Variants in EIF3A observed in about 807,000 individuals in gnomAD.
EIF3A encodes eukaryotic translation initiation factor 3 subunit A.
EIF3A carries 21 observed loss-of-function variants against 186.6 expected under a neutral mutation model. The observed-to-expected ratio is 0.11, with a 90% CI of 0.08 to 0.16. EIF3A has a LOEUF of 0.16. EIF3A is among the 10% of genes least tolerant of loss of function. The probability of loss-of-function intolerance (pLI) is 1.00; values close to 1 mark genes in which losing one functional copy is unlikely to be tolerated. For missense variants in EIF3A, 1,306 were observed against 1,796.3 expected (o/e 0.73, Z 4.93); for synonymous variants, 563 against 584.3 (o/e 0.96, Z 0.52).
rs1232247008 is a variant in EIF3A at position 119,074,932 on chromosome 10, AAAAAAAAAAG to A, written c.50-1005_50-996del. On this transcript the variant is annotated intron_variant, in intron 1 of 21. Coordinates refer to ENST00000369144, the MANE Select transcript of EIF3A (RefSeq NM_003750.4). The stretch of plus-strand genomic sequence containing the variant: ...AAACTCCAACTCAAAAAAAAAAAAA[AAAAAAAAAAG>A]GGAAAAAAATGGAATACAAAGCAAA... 6.8e-5 allele frequency among the ~76,000 whole-genome samples: 10 copies of A among 146,750 alleles called. 1 individual carries two copies. Among genetic ancestry groups the A allele is most frequent in the East Asian group, 5.9e-4 (3 of 5,112 alleles).
chr10:119,060,666 G>C, intron 9 of EIF3A, 80 bp downstream of exon 9: 2 of 1,020,626 alleles, frequency 2.0e-6, no homozygotes, highest in Non-Finnish European at 2.8e-6. Flanking sequence ...CACTTCCTAG[G>C]CAGTTCTAGA....
rs774535674 is a variant in EIF3A at position 119,072,912 on chromosome 10, C to T, written c.519G>A (p.Leu173=). 6 of 1,613,480 alleles carry T rather than the reference C, an allele frequency of 3.7e-6. No homozygotes were observed. Among genetic ancestry groups the T allele is most frequent in the Non-Finnish European group, 5.1e-6 (6 of 1,179,836 alleles). ...LLRNNSRVER[L]YHDIAQQAFK... Reference sequence around the variant, plus strand: ...TACCTTGCTGGGCAATATCATGGTACAGGCGCTCTACTCTAGAATTGTTTC... The same window carrying T: ...TACCTTGCTGGGCAATATCATGGTATAGGCGCTCTACTCTAGAATTGTTTC... The change falls in exon 4 of 22, where the codon CTG becomes CTA. Residue 173 remains leucine (L), a synonymous_variant. Coordinates refer to ENST00000369144, the MANE Select transcript of EIF3A (RefSeq NM_003750.4).
Position 119,056,723 on chromosome 10 carries a change from T to G in EIF3A, c.2196+17A>C. On this transcript the variant is annotated intron_variant, in intron 14 of 21. Transcript: ENST00000369144. ...TTATTACAATCTAAAAATATTACAA[T>G]TAAATAAAAAACTTACTCTTTCTTC... The G allele has an allele frequency of 6.8e-7, 1 of 1,469,472 alleles. No homozygotes were observed. 91.0% of individuals were successfully genotyped at this position (1,469,472 alleles called of 1,614,324 possible). A position where few individuals can be genotyped will look rare whatever the true frequency, so the allele number is the denominator to read the frequency against.
chr10:119,042,162 A>C lies in EIF3A; in HGVS notation c.3358T>G (p.Trp1120Gly). The change falls in exon 19 of 22, where the codon TGG becomes GGG. Residue 1120 changes from tryptophan (W) to glycine (G), a missense_variant. Physicochemically the swap from Trp to Gly is radical, Grantham distance 184. This residue lies in a region of EIF3A where 331 missense variants were observed against 365.8 expected (regional missense o/e 0.90). Transcript: ENST00000369144. The surrounding 1 kb of genome is among the most constrained non-coding windows in gnomAD (Gnocchi z 7.8). The stretch of plus-strand genomic sequence containing the variant: ...ATTCTGTCATCATCGGCGTTCCTCC[A>C]AGGTCCTCGATCATCATCCAACCCT... ...RRGLDDDRGP[W>G]RNADDDRIPR... The C allele has an allele frequency of 1.2e-6, 2 of 1,613,590 alleles. No homozygotes were observed. Among genetic ancestry groups the C allele is most frequent in the South Asian group, 2.2e-5 (2 of 91,050 alleles).
Position 119,080,687 on chromosome 10 carries a change from G to A in EIF3A, c.-11C>T. ...AAAATAGGCCGGCATCTTGGCGGCA[G>A]GCTCAGCTCACCCGGCGTCAGCGAA... On this transcript the variant is annotated 5_prime_UTR_variant, in exon 1 of 22. Transcript: ENST00000369144. The A allele has an allele frequency of 2.5e-6, 4 of 1,591,594 alleles. No homozygotes were observed. The highest frequency in any genetic ancestry group is 3.4e-6 in the Non-Finnish European group (4 of 1,170,378).
Position 119,080,609 on chromosome 10 carries a change from G to GC in EIF3A, c.49+18dup. ...GCCTCGGGCCGCCCCAGCCCGGCGC[G>GC]CCCCGATCAGCTACTCACCGTTGGC... On this transcript the variant is annotated intron_variant, in intron 1 of 21. Coordinates refer to ENST00000369144, the MANE Select transcript of EIF3A (RefSeq NM_003750.4). The GC allele has an allele frequency of 6.4e-7, 1 of 1,574,140 alleles. No individual in the cohort carries two copies. Among genetic ancestry groups the GC allele is most frequent in the Non-Finnish European group, 8.6e-7 (1 of 1,162,852 alleles).
At chr10:119,059,101 T>C in intron 11 of EIF3A, 111 bp downstream of exon 11, 2 of 819,886 alleles carry the variant, frequency 2.4e-6, no homozygotes, top group Non-Finnish European at 4.0e-6. Flanking sequence ...AGGAAACATA[T>C]CATAAATCCC....
intron 7 of EIF3A, among the ~76,000 whole-genome samples, chr10:119,061,956 T>A (rs1045220048): frequency 1.3e-5 from 2 of 152,136 alleles, no homozygotes; most frequent in Non-Finnish European, 2.9e-5. Flanking sequence ...AGCACAGAAG[T>A]GTGTACCCAT....
rs2119820410 is a variant in EIF3A at position 119,073,867 on chromosome 10, A to G, written c.120T>C (p.His40=). Residue 40 remains histidine, a synonymous_variant, in exon 2 of 22, where the codon CAT becomes CAC. Transcript: ENST00000369144. ...GTTCGTGTATCTTTTGCCATGTTCT[A>G]TGTTTTTTACTTTTCATAACATCAT... is the stretch of plus-strand genomic sequence containing the variant. ...VLYDVMKSKK[H]RTWQKIHEPI... The G allele has an allele frequency of 1.9e-6, 3 of 1,613,030 alleles. No homozygotes were observed. Among genetic ancestry groups the G allele is most frequent in the East Asian group, 2.2e-5 (1 of 44,868 alleles).
At chr10:119,052,579 T>C (rs1848374352) in intron 14 of EIF3A, among the ~76,000 whole-genome samples, 1 of 152,088 alleles carries the variant, frequency 6.6e-6, no homozygotes, top group Non-Finnish European at 1.5e-5. Context: ...TTTCACCATG[T>C]TGCCCAGGCT....
intron 1 of EIF3A, 22 bp from the exon 2 acceptor site, chr10:119,073,959 A>T: frequency 6.4e-7 from 1 of 1,574,184 alleles, no homozygotes; most frequent in Non-Finnish European, 8.6e-7. Flanking sequence ...AGAAGAATTA[A>T]AATTAGTTAT....
Position 119,073,302 on chromosome 10 carries a change from C to A in EIF3A, c.377+139G>T, listed in dbSNP as rs1298331168. On this transcript the variant is annotated intron_variant, in intron 3 of 21. Transcript: ENST00000369144. ...AATTTTTATTACCTACATAAATTAA[C>A]TGGTTACTATGCATTTAAAACTTCA... 4.2e-6 allele frequency: 3 copies of A among 719,772 alleles called. No homozygotes were observed. The East Asian group carries it at 7.9e-5, about 19-fold the overall frequency. 44.6% of individuals were successfully genotyped at this position (719,772 alleles called of 1,614,324 possible).
chr10:119,062,241 C>T (rs866101759), intron 7 of EIF3A, among the ~76,000 whole-genome samples: 2 of 152,184 alleles, frequency 1.3e-5, no homozygotes, highest in Middle Eastern at 6.8e-3. Flanking sequence ...TCATTCCTAT[C>T]AAGTTATTTT....
chr10:119,079,537 A>C (rs1844229273), intron 1 of EIF3A, among the ~76,000 whole-genome samples: 1 of 152,184 alleles, frequency 6.6e-6, no homozygotes. Flanking sequence ...AAGGATGAAA[A>C]TAAGAGCTAT....
intron 6 of EIF3A, among the ~76,000 whole-genome samples, chr10:119,068,250 G>GA (rs931024991): frequency 1.3e-5 from 2 of 152,136 alleles, no homozygotes; most frequent in Non-Finnish European, 2.9e-5. Flanking sequence ...GGAGCACAGG[G>GA]AAAAAATTGG....
At position 119,042,728 on chromosome 10, in the gene EIF3A, C is replaced by T; in HGVS notation, c.2792G>A (p.Arg931Lys). Residue 931 changes from arginine (R) to lysine (K), a missense_variant, in exon 19 of 22, where the codon AGA (arginine) becomes AAA (lysine). Arg to Lys is a conservative substitution (Grantham distance 26). Around this residue, in one of 8 missense-constraint regions of EIF3A, gnomAD observed 410 missense variants for 473.5 expected, o/e 0.87. Coordinates refer to ENST00000369144, the MANE Select transcript of EIF3A (RefSeq NM_003750.4). This position sits in a 1 kb window ranked among gnomAD's most constrained non-coding sequence, Gnocchi z 7.8. ...GEGRDEDRSH[R>K]RDEERPRRLG... is the part of the protein sequence containing the mutation. Reference sequence around the variant, plus strand: ...ACGCCGGGGCCGCTCTTCATCTCTTCTATGAGACCTGTCCTCATCTCGCCC... The same window carrying T: ...ACGCCGGGGCCGCTCTTCATCTCTTTTATGAGACCTGTCCTCATCTCGCCC... 29 of 1,613,402 alleles carry T rather than the reference C, an allele frequency of 1.8e-5. No homozygotes were observed. The highest frequency in any genetic ancestry group is 2.4e-5 in the Non-Finnish European group (28 of 1,179,988).
chr10:119,051,001 T>C (rs1394395296), intron 15 of EIF3A, among the ~76,000 whole-genome samples, 198 bp downstream of exon 15: 1 of 152,242 alleles, frequency 6.6e-6, no homozygotes, highest in East Asian at 1.9e-4. Flanking sequence ...TTGTATTAAA[T>C]TATGCATTCA....
intron 14 of EIF3A, among the ~76,000 whole-genome samples, chr10:119,055,099 T>G (rs1056751418): frequency 3.3e-5 from 5 of 152,076 alleles, no homozygotes; most frequent in African/African-American, 1.2e-4. Context: ...TCCCAGCTAC[T>G]TGGGAGGCTG....
chr10:119,056,630 C>T, intron 14 of EIF3A, 110 bp downstream of exon 14: 1 of 720,128 alleles, frequency 1.4e-6, no homozygotes, highest in East Asian at 2.7e-5. Context: ...CATTAGAGCA[C>T]CATTTCTAGC....
Sources: allele counts gnomAD v4.1 joint callset (sites outside exome capture counted in the v4.1 genomes callset), GRCh38; gene constraint gnomAD v4.1.1; regional missense constraint gnomAD v4.1.1; non-coding constraint Gnocchi (gnomAD v3.1); transcripts MANE v1.5; gene names NCBI Gene and HGNC (gene_info 2026-07-23, HGNC 2026-07-21).